A1CF: variants seen among roughly 807,000 people sequenced by gnomAD.
The protein encoded by A1CF is APOBEC-1 stimulating protein.
In A1CF, 48 loss-of-function variants were observed where a neutral mutation model predicts 68.9. That is an observed-to-expected ratio of 0.70 (90% CI 0.55 to 0.89). A1CF has a LOEUF of 0.89. Ranked by LOEUF, A1CF falls within the 40% of genes least tolerant of loss-of-function variation. The pLI is 0.00. For missense variants in A1CF, 653 were observed against 718.9 expected, an observed-to-expected ratio of 0.91 and a Z score of 1.05; for synonymous variants, 272 against 260.4, an observed-to-expected ratio of 1.04 and a Z score of -0.43.
intron 10 of A1CF, among the ~76,000 whole-genome samples, chr10:50,813,325 CT>C (rs1432132376): frequency 1.3e-5 from 2 of 152,194 alleles, no homozygotes; most frequent in African/African-American, 4.8e-5. Context: ...TAAAAACTCT[CT>C]GTAATGCCAC....
At chr10:50,873,837 G>A (rs927362500) in intron 1 of A1CF, among the ~76,000 whole-genome samples, 10 of 151,990 alleles carry the variant, frequency 6.6e-5, no homozygotes, top group African/African-American at 2.4e-4. Context: ...GCACTGTAAT[G>A]AAAATATCTA....
At chr10:50,867,320 T>C (rs891813087) in intron 1 of A1CF, among the ~76,000 whole-genome samples, 25 of 152,130 alleles carry the variant, frequency 1.6e-4, no homozygotes, top group Admixed American at 1.4e-3. Flanking sequence ...ATATTATATA[T>C]GTATAGTAGA....
intron 7 of A1CF, among the ~76,000 whole-genome samples, chr10:50,823,306 T>G (rs574999375): frequency 1.6e-4 from 24 of 152,258 alleles, no homozygotes; most frequent in African/African-American, 5.3e-4. Flanking sequence ...TGCATAGGAG[T>G]TTGTTTAATA....
At chr10:50,861,021 T>C (rs1025285732) in intron 2 of A1CF, among the ~76,000 whole-genome samples, 2 of 152,152 alleles carry the variant, frequency 1.3e-5, no homozygotes, top group African/African-American at 4.8e-5. Context: ...CTAGAATGTA[T>C]TTGAATATAG....
At chr10:50,808,023 CAT>C (rs1399313867) in intron 12 of A1CF, among the ~76,000 whole-genome samples, 2 of 152,160 alleles carry the variant, frequency 1.3e-5, no homozygotes, top group Non-Finnish European at 1.5e-5. Flanking sequence ...GGATAGGAGA[CAT>C]GTGTTAACAG....
At chr10:50,839,156 C>T (rs116916149) in intron 5 of A1CF, among the ~76,000 whole-genome samples, 22 of 152,136 alleles carry the variant, frequency 1.4e-4, no homozygotes, top group South Asian at 8.3e-4. Flanking sequence ...TATCAGTGGC[C>T]GTAGTGGATT....
intron 5 of A1CF, among the ~76,000 whole-genome samples, chr10:50,839,333 G>A (rs959634705): frequency 6.6e-6 from 1 of 152,150 alleles, no homozygotes; most frequent in Non-Finnish European, 1.5e-5. Context: ...TTACTGTTAC[G>A]ATGTCAAGGT....
rs1250455251 is a variant in A1CF, at chr10:50,882,233, C to T, written c.-94+3348G>A. 2.0e-5 allele frequency among the ~76,000 whole-genome samples: 3 copies of T among 151,898 alleles called. No homozygotes were observed. The East Asian group carries it at 5.8e-4, about 30-fold the overall frequency. On this transcript the variant is annotated intron_variant, in intron 1 of 12. Coordinates refer to ENST00000373997, the MANE Select transcript of A1CF (RefSeq NM_014576.4). The stretch of plus-strand genomic sequence containing the variant: ...CAGGCAGATCATGAGTTCAGGAGTT[C>T]GAGACCAGCCTAGCCAACATAATGA...
Position 50,844,023 on chromosome 10 carries a change from G to A in A1CF, c.199C>T (p.Leu67Phe), listed in dbSNP as rs1291650155. 1 of 1,613,804 alleles carries A rather than the reference G, an allele frequency of 6.2e-7. No individual in the cohort carries two copies. The highest frequency in any genetic ancestry group is 1.1e-5 in the South Asian group (1 of 91,038). ...AATGGTATAAGCTCATCCTCAAAAA[G>A]GTCTCGGGGAAGTTTTCCAATAAAA... is the stretch of plus-strand genomic sequence containing the variant. ...EIFIGKLPRDLFEDELIPLCE... is the reference protein window; with the variant it reads ...EIFIGKLPRDFFEDELIPLCE... Residue 67 changes from leucine (L) to phenylalanine (F), a missense_variant, in exon 4 of 13, where the codon CTT becomes TTT. By Grantham distance (22) the Leu-to-Phe change is conservative (BLOSUM62 0). Transcript: ENST00000373997.
At chr10:50,833,438 T>C (rs144441948) in intron 6 of A1CF, among the ~76,000 whole-genome samples, 4 of 152,078 alleles carry the variant, frequency 2.6e-5, no homozygotes, top group Non-Finnish European at 4.4e-5. Flanking sequence ...AGTTTCTGAG[T>C]GGGATGCAGC....
At chr10:50,852,540 T>C (rs1177405666) in intron 3 of A1CF, among the ~76,000 whole-genome samples, 1 of 152,184 alleles carries the variant, frequency 6.6e-6, no homozygotes, top group East Asian at 1.9e-4. Context: ...CATCCTGTTC[T>C]AATGCTTATT....
At position 50,876,294 on chromosome 10, in the gene A1CF, C is replaced by G. The variant is rs375530836; in HGVS notation, c.-94+9287G>C. On this transcript the variant is annotated intron_variant, in intron 1 of 12. Coordinates refer to ENST00000373997, the MANE Select transcript of A1CF (RefSeq NM_014576.4). Reference sequence around the variant, plus strand: ...ATCACACAAGAAACCTACCCCTTTCCTTTTGTAATTGCTCTGACTTCAATA... The same window carrying G: ...ATCACACAAGAAACCTACCCCTTTCGTTTTGTAATTGCTCTGACTTCAATA... Among the ~76,000 whole-genome samples, 59 of 152,302 alleles carry G rather than the reference C, an allele frequency of 3.9e-4. 3 individuals are homozygous for G. In the South Asian group the frequency reaches 0.011, roughly 28 times the overall value.
chr10:50,824,468 C>T (rs1838825665), intron 7 of A1CF: 1 of 152,178 alleles, frequency 6.6e-6, no homozygotes, highest in Non-Finnish European at 1.5e-5. Context: ...TATTTATACA[C>T]ACATAATGTT....
rs71949925 is a variant in A1CF, at chr10:50,849,786, CTTTTTTTTTTT to C, written c.100-5675_100-5665del. ...AAATAGTGAGTTGATTTAATGAATT[CTTTTTTTTTTT>C]TTTTTTTTTTTTTTGAGACGGAGTC... On this transcript the variant is annotated intron_variant, in intron 3 of 12. Transcript: ENST00000373997. Among the ~76,000 whole-genome samples, 7 of 83,654 alleles carry C rather than the reference CTTTTTTTTTTT, an allele frequency of 8.4e-5. No individual in the cohort carries two copies. In the East Asian group the frequency reaches 2.3e-3, roughly 28 times the overall value. 54.9% of individuals were successfully genotyped at this position (83,654 alleles called of 152,430 possible).
Position 50,836,125 on chromosome 10 carries a change from C to G in A1CF, c.553G>C (p.Glu185Gln). ...KTKNRGFAFV[E>Q]YESHRAAAMA... ...GCAGCTGCTCGATGACTCTCATACT[C>G]CACGAAGGCAAAGCCTCGGTTTTTG... Residue 185 changes from glutamate to glutamine, a missense_variant, in exon 6 of 13, where the codon GAG becomes CAG. Glu to Gln is a conservative substitution (Grantham distance 29). Transcript: ENST00000373997. The G allele has an allele frequency of 1.2e-6, 2 of 1,614,006 alleles. No homozygotes were observed. Among genetic ancestry groups the G allele is most frequent in the Middle Eastern group, 3.3e-4 (2 of 6,054 alleles).
chr10:50,860,335 G>T (rs570739538), intron 2 of A1CF, among the ~76,000 whole-genome samples: 3 of 152,144 alleles, frequency 2.0e-5, no homozygotes, highest in African/African-American at 4.8e-5. Flanking sequence ...CCTTACAGAC[G>T]TGAGAAGAGG....
rs542408107 is a variant in A1CF, at chr10:50,825,882, C to T, written c.769+2249G>A. Among the ~76,000 whole-genome samples the T allele has an allele frequency of 2.9e-4, 44 of 152,174 alleles. 1 individual carries two copies. The South Asian group carries it at 8.9e-3, about 31-fold the overall frequency. ...GTTCTCAACTGGGGGCAATTTTGCC[C>T]ACCCGTAGAGTATATTTTGCAATGT... On this transcript the variant is annotated intron_variant, in intron 7 of 12. Coordinates refer to ENST00000373997, the MANE Select transcript of A1CF (RefSeq NM_014576.4).
chr10:50,851,197 TA>T (rs1262835823), intron 3 of A1CF, among the ~76,000 whole-genome samples: 1 of 152,210 alleles, frequency 6.6e-6, no homozygotes, highest in Non-Finnish European at 1.5e-5. Context: ...GCACTAAATC[TA>T]TTCTGACTTT....
rs1229198023 is a variant in A1CF, at chr10:50,802,579, CT to C, written c.*4149del. ...AATTTTTAGATATATTTTCTTCCCC[CT>C]GGGAACTTTTATATGAATGCAAGAA... is the stretch of plus-strand genomic sequence containing the variant. On this transcript the variant is annotated 3_prime_UTR_variant, in exon 13 of 13. Transcript: ENST00000373997. 1.3e-5 allele frequency: 2 copies of C among 152,158 alleles called. No homozygotes were observed. The highest frequency in any genetic ancestry group is 4.8e-5 in the African/African-American group (2 of 41,444). The allele number at this position is 152,158 out of a possible 1,614,324, so 9.4% of individuals were successfully genotyped here.
Sources: allele counts gnomAD v4.1 joint callset (sites outside exome capture counted in the v4.1 genomes callset), GRCh38; gene constraint gnomAD v4.1.1; transcripts MANE v1.5; gene names NCBI Gene and HGNC (gene_info 2026-07-23, HGNC 2026-07-21).